The following ERBIN variants were observed in gnomAD, a reference collection of about 807,000 sequenced individuals.
The protein encoded by ERBIN is erbb2 interacting protein.
ERBIN carries 60 observed loss-of-function variants against 158.4 expected under a neutral mutation model. The observed-to-expected ratio is 0.38, with a 90% confidence interval of 0.31 to 0.47. The LOEUF is 0.47. Ranked by LOEUF, ERBIN falls within the 20% of genes least tolerant of loss-of-function variation. The pLI is 0.99. For missense variants in ERBIN, 1,610 were observed against 1,648.0 expected (o/e 0.98, Z 0.40); for synonymous variants, 594 against 557.2 (o/e 1.07, Z -0.93).
In ERBIN at chr5:65,938,802, C is replaced by T. The variant is rs150086981; in HGVS notation, c.-58+11996C>T. Among the ~76,000 whole-genome samples, 81 of 152,174 alleles carry T rather than the reference C, an allele frequency of 5.3e-4. 2 individuals are homozygous for T. In the East Asian group the frequency reaches 0.014, roughly 25 times the overall value. On this transcript the variant is annotated intron_variant, in intron 1 of 25. Coordinates refer to ENST00000284037, the MANE Select transcript of ERBIN (RefSeq NM_001253697.2). Reference sequence around the variant, plus strand: ...TCCTGACCTTATGATCTGCCTGCCTCAGCCTCCCAAAGTGCCGGGATTACA... The same window carrying T: ...TCCTGACCTTATGATCTGCCTGCCTTAGCCTCCCAAAGTGCCGGGATTACA...
chr5:65,994,895 A>G (rs1752253753), intron 4 of ERBIN, 31 bp downstream of exon 4: 3 of 1,288,644 alleles, frequency 2.3e-6, no homozygotes, highest in African/African-American at 1.5e-5. Context: ...AATTTTTTGT[A>G]CTTGGGAACA....
At chr5:66,021,506 G>A in intron 8 of ERBIN, 121 bp downstream of exon 8, 1 of 628,508 alleles carries the variant, frequency 1.6e-6, no homozygotes, top group Non-Finnish European at 2.5e-6. Context: ...TTAGTTACAA[G>A]ATATGAAATT....
rs1409260171 is a variant in ERBIN at position 66,072,299 on chromosome 5, C to T, written c.3756+8C>T. The T allele has an allele frequency of 1.9e-6, 3 of 1,549,524 alleles. No homozygotes were observed. The African/African-American group carries it at 4.1e-5, about 21-fold the overall frequency. Reference sequence around the variant, plus strand: ...CCAGACAGCTTGATGAAAGTGGGTGCTCGGGAAAACAAAATGTAGTATCTG... The same window carrying T: ...CCAGACAGCTTGATGAAAGTGGGTGTTCGGGAAAACAAAATGTAGTATCTG... On this transcript the variant is annotated splice_region_variant and intron_variant, in intron 22 of 25. Coordinates refer to ENST00000284037, the MANE Select transcript of ERBIN (RefSeq NM_001253697.2).
intron 21 of ERBIN, among the ~76,000 whole-genome samples, chr5:66,066,964 A>T (rs1761060157): frequency 6.6e-6 from 1 of 152,246 alleles, no homozygotes; most frequent in Non-Finnish European, 1.5e-5. Context: ...GTGTTTGGAG[A>T]TGACAGAGAA....
intron 1 of ERBIN, among the ~76,000 whole-genome samples, chr5:65,986,106 GATCTC>G (rs1442126692): frequency 6.6e-6 from 1 of 152,072 alleles, no homozygotes; most frequent in African/African-American, 2.4e-5. Context: ...TGCCCTTGAT[GATCTC>G]ATCTTATTTC....
At position 66,023,322 on chromosome 5, in the gene ERBIN, A is replaced by G; in HGVS notation, c.630A>G (p.Lys210=). The change falls in exon 9 of 26, where the codon AAA becomes AAG. Residue 210 remains lysine, a synonymous_variant. Coordinates refer to ENST00000284037, the MANE Select transcript of ERBIN (RefSeq NM_001253697.2). ...PEVLEQLSGL[K]EFWMDANRLT... is the part of the protein sequence containing the mutation. ...TACTTGAGCAACTAAGTGGATTGAA[A>G]GAGTTTTGGATGGATGCTAATAGAC... 1 of 1,613,366 alleles carries G rather than the reference A, an allele frequency of 6.2e-7. No homozygotes were observed. Among genetic ancestry groups the G allele is most frequent in the Non-Finnish European group, 8.5e-7 (1 of 1,179,548 alleles).
intron 16 of ERBIN, among the ~76,000 whole-genome samples, chr5:66,043,813 G>A (rs780287307): frequency 6.6e-6 from 1 of 151,970 alleles, no homozygotes; most frequent in Admixed American, 6.6e-5. Flanking sequence ...TTATATATAC[G>A]TAGATGAATA....
Position 66,077,759 on chromosome 5 carries a change from T to TACACACACACAC in ERBIN, c.4132-640_4132-629dup, listed in dbSNP as rs70987111. ...TTCTCTTTTTCTCCCTCCCTCCCTC[T>TACACACACACAC]ACACACACACACACACACACACACA... is the stretch of plus-strand genomic sequence containing the variant. On this transcript the variant is annotated intron_variant, in intron 25 of 25. Coordinates refer to ENST00000284037, the MANE Select transcript of ERBIN (RefSeq NM_001253697.2). 3.7e-3 allele frequency among the ~76,000 whole-genome samples: 511 copies of TACACACACACAC among 139,366 alleles called. 1 individual carries two copies. The highest frequency in any genetic ancestry group is 6.2e-3 in the Admixed American group (87 of 13,960). 91.4% of individuals were successfully genotyped at this position (139,366 alleles called of 152,430 possible). A position where few individuals can be genotyped will look rare whatever the true frequency, so the allele number is the denominator to read the frequency against.
chr5:66,039,110 CTG>C (rs1017346352), intron 15 of ERBIN, among the ~76,000 whole-genome samples: 2 of 151,948 alleles, frequency 1.3e-5, no homozygotes, highest in African/African-American at 2.4e-5. Context: ...GTGAAAATCT[CTG>C]TGGTTTGAAA....
Position 66,078,608 on chromosome 5 carries a change from A to AT in ERBIN, c.*83dup. The AT allele has an allele frequency of 1.2e-6, 1 of 835,844 alleles. No homozygotes were observed. The highest frequency in any genetic ancestry group is 1.5e-5 in the South Asian group (1 of 65,136). 51.8% of individuals were successfully genotyped at this position (835,844 alleles called of 1,614,324 possible). On this transcript the variant is annotated 3_prime_UTR_variant, in exon 26 of 26. Coordinates refer to ENST00000284037, the MANE Select transcript of ERBIN (RefSeq NM_001253697.2). ...TACAGGGGAAATTAATATTTTGACT[A>AT]TTTTTATATATAAAGAAGAACTCAA...
At chr5:66,075,551 A>G (rs1049531201) in intron 23 of ERBIN, among the ~76,000 whole-genome samples, 5 of 152,186 alleles carry the variant, frequency 3.3e-5, no homozygotes, top group Non-Finnish European at 7.4e-5. Context: ...GTTCTGTGAC[A>G]CTTAAAATCT....
At chr5:65,999,554 T>TTAAA (rs1292379454) in intron 4 of ERBIN, among the ~76,000 whole-genome samples, 1 of 152,218 alleles carries the variant, frequency 6.6e-6, no homozygotes, top group Non-Finnish European at 1.5e-5. Context: ...TAATGCTCTT[T>TTAAA]TAAACTCTTT....
intron 7 of ERBIN, among the ~76,000 whole-genome samples, chr5:66,016,508 A>G (rs1754736786): frequency 6.6e-6 from 1 of 152,174 alleles, no homozygotes; most frequent in South Asian, 2.1e-4. Flanking sequence ...TTATGTGTAC[A>G]GTTCAGTGGT....
Position 65,994,852 on chromosome 5 carries a change from G to T in ERBIN, c.295G>T (p.Val99Phe). The T allele has an allele frequency of 1.3e-6, 2 of 1,599,156 alleles. No homozygotes were observed. Among genetic ancestry groups the T allele is most frequent in the Non-Finnish European group, 1.7e-6 (2 of 1,174,040 alleles). Residue 99 changes from valine (V) to phenylalanine (F), a missense_variant, in exon 4 of 26, where the codon GTC becomes TTC. Physicochemically the swap from Val to Phe is conservative, Grantham distance 50 (BLOSUM62 -1). Transcript: ENST00000284037. The part of the protein sequence containing the change: ...ANLINLRELD[V>F]SKNGIQEFPE... ...CCTTATTAATCTCAGGGAACTGGAT[G>T]TCAGCAAGAATGGTAAGGCTTTTTT... is the stretch of plus-strand genomic sequence containing the variant.
At chr5:65,934,541 A>C (rs1227540394) in intron 1 of ERBIN, among the ~76,000 whole-genome samples, 1 of 152,146 alleles carries the variant, frequency 6.6e-6, no homozygotes, top group African/African-American at 2.4e-5. Context: ...ATCTTTGATT[A>C]GATTTTTATG....
intron 2 of ERBIN, among the ~76,000 whole-genome samples, chr5:65,992,162 G>GT (rs1561342783): frequency 6.6e-6 from 1 of 151,740 alleles, no homozygotes; most frequent in Admixed American, 6.6e-5. Context: ...AGTTTTTTTT[G>GT]TTTGTTTGTT....
intron 9 of ERBIN, 130 bp from the exon 10 acceptor site, chr5:66,024,176 T>G: frequency 3.3e-6 from 2 of 603,700 alleles, no homozygotes; most frequent in Non-Finnish European, 5.5e-6. Flanking sequence ...TTTAAAAAAC[T>G]ACCTGGGAGT....
rs771578484 is a variant in ERBIN at position 66,054,598 on chromosome 5, A to G, written c.3280A>G (p.Thr1094Ala). 1.2e-5 allele frequency: 19 copies of G among 1,614,066 alleles called. No homozygotes were observed. The South Asian group carries it at 1.6e-4, about 14-fold the overall frequency. ...ASVNLGDPGS[T>A]RRAQIPEGDY... Reference sequence around the variant, plus strand: ...TGTAAATCTTGGTGATCCAGGCTCTACAAGGCGGGCTCAGATTCCTGAAGG... The same window carrying G: ...TGTAAATCTTGGTGATCCAGGCTCTGCAAGGCGGGCTCAGATTCCTGAAGG... Residue 1094 changes from threonine to alanine, a missense_variant, in exon 21 of 26, where the codon ACA (threonine) becomes GCA (alanine). By Grantham distance (58) the Thr-to-Ala change is moderately conservative (BLOSUM62 0). Coordinates refer to ENST00000284037, the MANE Select transcript of ERBIN (RefSeq NM_001253697.2).
intron 3 of ERBIN, 64 bp downstream of exon 3, chr5:65,992,971 C>A: frequency 8.2e-7 from 1 of 1,219,400 alleles, no homozygotes; most frequent in South Asian, 1.8e-5. Flanking sequence ...ATATGATATT[C>A]CTAATATTGC....
Sources: gnomAD v4.1 joint callset for allele counts (sites outside exome capture counted in the v4.1 genomes callset) on GRCh38, gnomAD v4.1.1 for gene constraint, MANE v1.5 for transcripts, NCBI Gene and HGNC (gene_info 2026-07-23, HGNC 2026-07-21) for gene names.